The following PARM1 variants were observed in gnomAD, a reference collection of about 807,000 sequenced individuals.
The protein encoded by PARM1 is prostate androgen-regulated mucin-like protein 1, also known as WSC4, cell wall integrity and stress response component 4 homolog.
PARM1 carries 14 observed loss-of-function variants against 24.6 expected under a neutral mutation model. The observed-to-expected ratio is 0.57, with a 90% CI of 0.38 to 0.89. The LOEUF (loss-of-function observed/expected upper bound fraction) is 0.89, where lower values mean the gene tolerates loss of function less well. Among genes scored for constraint, PARM1 ranks in the 40% least tolerant of loss-of-function variants. The pLI is 0.00. For synonymous variants in PARM1, 179 were observed against 156.6 expected, an observed-to-expected ratio of 1.14 and a Z score of -1.07; for missense variants, 362 against 380.4, an observed-to-expected ratio of 0.95 and a Z score of 0.40.
intron 1 of PARM1, among the ~76,000 whole-genome samples, chr4:74,977,482 A>G (rs553548200): frequency 1.6e-4 from 25 of 152,298 alleles, no homozygotes; most frequent in Non-Finnish European, 2.9e-4. Flanking sequence ...GGCTGAACCT[A>G]CAACTAATGG....
At chr4:74,971,321 C>G (rs995677627) in intron 1 of PARM1, among the ~76,000 whole-genome samples, 1 of 152,166 alleles carries the variant, frequency 6.6e-6, no homozygotes. Context: ...CTCATGAGAA[C>G]AGCACGGGAA....
chr4:74,963,805 T>C (rs1721833297), intron 1 of PARM1, among the ~76,000 whole-genome samples: 1 of 152,156 alleles, frequency 6.6e-6, no homozygotes, highest in Admixed American at 6.5e-5. Context: ...AAATGGCAAA[T>C]TTTGTAATAT....
chr4:74,966,524 A>G lies in PARM1; in HGVS notation c.43+33154A>G, dbSNP rs78977138. ...TGGTCAGGAACTTGATCAGATATCA[A>G]GGGTGGGGGAATTCTCAATAAAATT... is the stretch of plus-strand genomic sequence containing the variant. On this transcript the variant is annotated intron_variant, in intron 1 of 3. Transcript: ENST00000307428. Among the ~76,000 whole-genome samples, 354 of 152,260 alleles carry G rather than the reference A, an allele frequency of 2.3e-3. 9 individuals are homozygous for G. In the East Asian group the frequency reaches 0.037, roughly 16 times the overall value.
At chr4:74,952,067 G>A (rs951692389) in intron 1 of PARM1, among the ~76,000 whole-genome samples, 16 of 152,202 alleles carry the variant, frequency 1.1e-4, no homozygotes, top group African/African-American at 2.6e-4. Flanking sequence ...GTGTAAAAGC[G>A]TTCCTATTTT....
chr4:75,028,685 G>A (rs17250403), intron 2 of PARM1, among the ~76,000 whole-genome samples: 12,009 of 152,190 alleles, frequency 0.079, 519 homozygotes, highest in Middle Eastern at 0.13. Context: ...ATGGATAGCA[G>A]TGAGACACTC....
intron 3 of PARM1, among the ~76,000 whole-genome samples, chr4:75,042,495 T>C (rs1723510003): frequency 6.6e-6 from 1 of 152,178 alleles, no homozygotes; most frequent in Admixed American, 6.5e-5. Flanking sequence ...TACCATTAAA[T>C]AACATTGACA....
intron 1 of PARM1, among the ~76,000 whole-genome samples, chr4:75,003,815 G>A: frequency 6.6e-6 from 1 of 152,058 alleles, no homozygotes; most frequent in Non-Finnish European, 1.5e-5. Context: ...CCCTAACAGT[G>A]GCTCAACCTA....
intron 3 of PARM1, among the ~76,000 whole-genome samples, chr4:75,040,396 G>A (rs979213227): frequency 6.6e-6 from 1 of 151,946 alleles, no homozygotes; most frequent in Non-Finnish European, 1.5e-5. Context: ...ATTATTTCAA[G>A]ATATGCTTGA....
intron 1 of PARM1, among the ~76,000 whole-genome samples, chr4:74,939,582 G>C (rs1247144588): frequency 6.6e-6 from 1 of 151,884 alleles, no homozygotes; most frequent in Admixed American, 6.6e-5. Flanking sequence ...CTTTTGTGCC[G>C]GGATCTTGAG....
chr4:74,949,804 A>G (rs189817523), intron 1 of PARM1, among the ~76,000 whole-genome samples: 329 of 151,520 alleles, frequency 2.2e-3, no homozygotes, highest in Non-Finnish European at 3.2e-3. Context: ...GGCATCAAAT[A>G]GAGGCACTTC....
At chr4:75,039,635 G>T (rs1031879464) in intron 3 of PARM1, among the ~76,000 whole-genome samples, 25 of 152,150 alleles carry the variant, frequency 1.6e-4, no homozygotes, top group African/African-American at 5.8e-4. Context: ...CTAGCTCAAA[G>T]GTGATGCCAG....
At chr4:74,936,443 TTTTTTG>T (rs1553967295) in intron 1 of PARM1, among the ~76,000 whole-genome samples, 26 of 10,070 alleles carry the variant, frequency 2.6e-3, no homozygotes, top group South Asian at 0.011. Flanking sequence ...CAAGTGTTTT[TTTTTTG>T]TTTGTTTTTT....
rs189294381 is a variant in PARM1 at position 74,945,712 on chromosome 4, A to T, written c.43+12342A>T. ...ACATATGGGAGCAATTTCTTAAAAC[A>T]TTATTCTAAGCTCTTCTAAAATGAA... On this transcript the variant is annotated intron_variant, in intron 1 of 3. Transcript: ENST00000307428. Among the ~76,000 whole-genome samples, 93 of 152,358 alleles carry T rather than the reference A, an allele frequency of 6.1e-4. 1 individual carries two copies. In the East Asian group the frequency reaches 0.016, roughly 27 times the overall value.
At chr4:75,011,265 A>T (rs971538993) in intron 1 of PARM1, among the ~76,000 whole-genome samples, 1 of 152,178 alleles carries the variant, frequency 6.6e-6, no homozygotes, top group African/African-American at 2.4e-5. Context: ...GGCTCAGGGG[A>T]TGTTGAAATA....
chr4:74,995,210 G>A (rs1002952127), intron 1 of PARM1, among the ~76,000 whole-genome samples: 2 of 152,068 alleles, frequency 1.3e-5, no homozygotes, highest in Non-Finnish European at 2.9e-5. Flanking sequence ...AAAAGAGAGT[G>A]ACATTATGAA....
chr4:74,933,235 G>T lies in PARM1; in HGVS notation c.-93G>T, dbSNP rs1197043369. 3 of 1,137,498 alleles carry T rather than the reference G, an allele frequency of 2.6e-6. No individual in the cohort carries two copies. Among genetic ancestry groups the T allele is most frequent in the Non-Finnish European group, 3.9e-6 (3 of 763,988 alleles). 70.5% of individuals were successfully genotyped at this position (1,137,498 alleles called of 1,614,324 possible). On this transcript the variant is annotated 5_prime_UTR_variant, in exon 1 of 4. Coordinates refer to ENST00000307428, the MANE Select transcript of PARM1 (RefSeq NM_015393.4). ...TCCCGGCTCCCACCGCAGCCCACCC[G>T]GCAGAGGAGTCGCTACCAGCGCCCA...
intron 1 of PARM1, among the ~76,000 whole-genome samples, chr4:74,988,956 T>C (rs1722410353): frequency 6.6e-6 from 1 of 152,218 alleles, no homozygotes; most frequent in Non-Finnish European, 1.5e-5. Flanking sequence ...GAAGGGCTAG[T>C]TTGGACTTAG....
intron 1 of PARM1, among the ~76,000 whole-genome samples, chr4:74,942,814 C>T (rs533791902): frequency 2.0e-5 from 3 of 152,268 alleles, no homozygotes; most frequent in Non-Finnish European, 4.4e-5. Context: ...ATAGCAACAG[C>T]GAATTCATTG....
At chr4:75,034,032 T>G in intron 3 of PARM1, 71 bp downstream of exon 3, 1 of 1,236,320 alleles carries the variant, frequency 8.1e-7, no homozygotes, top group Non-Finnish European at 1.2e-6. Context: ...GCTGTTTTGC[T>G]GGATACTTGT....
Sources: allele counts gnomAD v4.1 joint callset (sites outside exome capture counted in the v4.1 genomes callset), GRCh38; gene constraint gnomAD v4.1.1; transcripts MANE v1.5; gene names NCBI Gene and HGNC (gene_info 2026-07-23, HGNC 2026-07-21).